The following THRAP3 variants were observed in gnomAD, a reference collection of about 807,000 sequenced individuals.
THRAP3 encodes thyroid hormone receptor associated protein 3.
THRAP3 carries 16 observed loss-of-function variants against 101.0 expected under a neutral mutation model. That is an observed-to-expected ratio of 0.16 (90% CI 0.11 to 0.24). THRAP3 has a LOEUF of 0.24. Ranked by LOEUF, THRAP3 falls within the 10% of genes least tolerant of loss-of-function variation. The pLI is 1.00. For synonymous variants in THRAP3, 407 were observed against 422.6 expected, an observed-to-expected ratio of 0.96 and a Z score of 0.45; for missense variants, 989 against 1,202.7, an observed-to-expected ratio of 0.82 and a Z score of 2.63.
chr1:36,240,412 T>G (rs1176680191), intron 1 of THRAP3, among the ~76,000 whole-genome samples: 1 of 152,198 alleles, frequency 6.6e-6, no homozygotes, highest in African/African-American at 2.4e-5. Flanking sequence ...AAGCCAGGCA[T>G]CTGTCACAGC....
At chr1:36,275,053 C>T (rs1645639327) in intron 2 of THRAP3, among the ~76,000 whole-genome samples, 1 of 150,260 alleles carries the variant, frequency 6.7e-6, no homozygotes, top group African/African-American at 2.4e-5. Context: ...GCAGGGGGAT[C>T]ACGAGGTCAG....
At chr1:36,238,820 T>A (rs1645121333) in intron 1 of THRAP3, among the ~76,000 whole-genome samples, 1 of 152,086 alleles carries the variant, frequency 6.6e-6, no homozygotes, top group African/African-American at 2.4e-5. Flanking sequence ...AGGTGACTCC[T>A]GATCCTGAGA....
intron 2 of THRAP3, 109 bp from the exon 3 acceptor site, chr1:36,282,419 ATGGGG>A: frequency 1.5e-6 from 1 of 648,746 alleles, no homozygotes; most frequent in Non-Finnish European, 2.5e-6. Context: ...TTTTGTAGAT[ATGGGG>A]TCTTCTCAAG....
At chr1:36,241,590 T>G (rs1226877625) in intron 1 of THRAP3, among the ~76,000 whole-genome samples, 1 of 147,868 alleles carries the variant, frequency 6.8e-6, no homozygotes, top group African/African-American at 2.6e-5. Flanking sequence ...TTTTTTTTTT[T>G]TTTTTTCAGA....
At chr1:36,291,615 A>T (rs533389914) in intron 6 of THRAP3, 69 bp downstream of exon 6, 1 of 1,559,356 alleles carries the variant, frequency 6.4e-7, no homozygotes, top group South Asian at 1.2e-5. Context: ...TGATGGGTGG[A>T]TAAGGAGTTT....
At chr1:36,214,019 AAAG>A in the THRAP3 span, among the ~76,000 whole-genome samples, 4 of 128,344 alleles carry the variant, frequency 3.1e-5, no homozygotes, top group Non-Finnish European at 5.2e-5. Flanking sequence ...AGAAAGAAAG[AAAG>A]AAAGAAAGAA....
At chr1:36,221,910 A>G (rs1189302154), upstream of THRAP3, among the ~76,000 whole-genome samples, 1 of 151,880 alleles carries the variant, frequency 6.6e-6, no homozygotes, top group Non-Finnish European at 1.5e-5. Context: ...TCTGGGTTCA[A>G]GCGATTCTCC....
the THRAP3 span, among the ~76,000 whole-genome samples, chr1:36,213,319 G>A: frequency 1.3e-5 from 2 of 152,154 alleles, no homozygotes; most frequent in African/African-American, 2.4e-5. Flanking sequence ...GAGAGGCCTG[G>A]GAGATCTTAT....
At chr1:36,227,240 C>T (rs1161120471) in intron 1 of THRAP3, among the ~76,000 whole-genome samples, 1 of 152,046 alleles carries the variant, frequency 6.6e-6, no homozygotes, top group African/African-American at 2.4e-5. Flanking sequence ...ATTGCCGTCT[C>T]TCTCTTTAAT....
chr1:36,215,719 A>G, the THRAP3 span, among the ~76,000 whole-genome samples: 1 of 151,798 alleles, frequency 6.6e-6, no homozygotes, highest in East Asian at 1.9e-4. Flanking sequence ...TTTGAATTTC[A>G]TATACTTTTT....
intron 9 of THRAP3, among the ~76,000 whole-genome samples, chr1:36,297,983 GAA>G (rs574500754): frequency 2.2e-5 from 3 of 135,902 alleles, no homozygotes; most frequent in Admixed American, 7.4e-5. Flanking sequence ...TGTCTCTACT[GAA>G]AAAAAAAAAA....
At position 36,304,026 on chromosome 1, in the gene THRAP3, C is replaced by A; in HGVS notation, c.*9C>A. On this transcript the variant is annotated 3_prime_UTR_variant, in exon 12 of 12. Transcript: ENST00000354618. ...AGCCCACAACCGAGTAGGGGCCACC[C>A]TTGACGGGATTCCTGCCCAGGGGAG... 2 of 1,505,480 alleles carry A rather than the reference C, an allele frequency of 1.3e-6. No individual in the cohort carries two copies. The highest frequency in any genetic ancestry group is 2.6e-5 in the South Asian group (2 of 75,654). 93.3% of individuals were successfully genotyped at this position (1,505,480 alleles called of 1,614,324 possible).
chr1:36,291,639 A>G (rs1645869665), intron 6 of THRAP3, 93 bp downstream of exon 6: 2 of 1,421,070 alleles, frequency 1.4e-6, no homozygotes, highest in South Asian at 2.7e-5. Context: ...GGGACCTTGT[A>G]TCTCATCTAA....
At chr1:36,235,563 G>C (rs950498152) in intron 1 of THRAP3, among the ~76,000 whole-genome samples, 2 of 152,094 alleles carry the variant, frequency 1.3e-5, no homozygotes, top group African/African-American at 4.8e-5. Context: ...AGATGAAATT[G>C]AGATACCATT....
chr1:36,293,616 C>G (rs957254251), intron 7 of THRAP3, among the ~76,000 whole-genome samples: 1 of 137,978 alleles, frequency 7.2e-6, no homozygotes, highest in Non-Finnish European at 1.6e-5. Flanking sequence ...CCTCTAACTT[C>G]TGTTACACTG....
chr1:36,289,763 C>G lies in THRAP3; in HGVS notation c.1744C>G (p.Arg582Gly). The G allele has an allele frequency of 6.3e-7, 1 of 1,599,078 alleles. No homozygotes were observed. Among genetic ancestry groups the G allele is most frequent in the South Asian group, 1.1e-5 (1 of 88,490 alleles). The change falls in exon 5 of 12, where the codon CGA becomes GGA. Residue 582 changes from arginine to glycine, a missense_variant and splice_region_variant. Physicochemically the swap from Arg to Gly is moderately radical, Grantham distance 125. Transcript: ENST00000354618. ...GGACTCTTTTGATGAGGACCTCGCA[C>G]GGTGAGATATGCTCCTTCTTGATCC... ...RMDSFDEDLA[R>G]PSGLLAQERK...
chr1:36,286,750 C>T lies in THRAP3; in HGVS notation c.520C>T (p.Arg174Cys), dbSNP rs752053772. Residue 174 changes from arginine to cysteine, a missense_variant, in exon 4 of 12, where the codon CGC (arginine) becomes TGC (cysteine). Arg to Cys is a radical substitution (Grantham distance 180). Transcript: ENST00000354618. This position sits in a 1 kb window ranked among gnomAD's most constrained non-coding sequence, Gnocchi z 5.5. The stretch of plus-strand genomic sequence containing the variant: ...CCATAGCCGAGTTGAATCTTCTAAG[C>T]GCAAGTCTGCAAAGGAGAAAAAGTC... Reference protein sequence around the residue: ...SNHSRVESSKRKSAKEKKSSS... With the variant: ...SNHSRVESSKCKSAKEKKSSS... The T allele has an allele frequency of 6.2e-6, 10 of 1,614,088 alleles. No homozygotes were observed. The highest frequency in any genetic ancestry group is 2.7e-5 in the African/African-American group (2 of 74,920).
chr1:36,236,592 C>T (rs1214757076), intron 1 of THRAP3, among the ~76,000 whole-genome samples: 1 of 152,148 alleles, frequency 6.6e-6, no homozygotes, highest in Non-Finnish European at 1.5e-5. Flanking sequence ...TACCACTGCA[C>T]CAGTCTACCT....
chr1:36,251,368 T>C (rs1645298304), intron 1 of THRAP3, among the ~76,000 whole-genome samples: 2 of 152,318 alleles, frequency 1.3e-5, no homozygotes, highest in South Asian at 4.1e-4. Flanking sequence ...CCAACCTCTC[T>C]GCACAGCCCG....
Sources: allele counts gnomAD v4.1 joint callset (sites outside exome capture counted in the v4.1 genomes callset), GRCh38; gene constraint gnomAD v4.1.1; non-coding constraint Gnocchi (gnomAD v3.1); transcripts MANE v1.5; gene names NCBI Gene and HGNC (gene_info 2026-07-23, HGNC 2026-07-21).